ACAP2: variants seen among roughly 807,000 people sequenced by gnomAD.
The protein encoded by ACAP2 is arf-GAP with coiled-coil, ANK repeat and PH domain-containing protein 2.
ACAP2 carries 39 observed loss-of-function variants against 115.8 expected under a neutral mutation model. The ratio of observed to expected loss-of-function variants is 0.34; its 90% confidence interval spans 0.26 to 0.44. The LOEUF is 0.44. ACAP2 is among the 20% of genes least tolerant of loss of function. The probability of loss-of-function intolerance (pLI) is 1.00; values close to 1 mark genes in which losing one functional copy is unlikely to be tolerated. For synonymous variants in ACAP2, 289 were observed against 315.8 expected, an observed-to-expected ratio of 0.92 and a Z score of 0.90; for missense variants, 662 against 927.6, an observed-to-expected ratio of 0.71 and a Z score of 3.72.
At chr3:195,287,607 T>C (rs1726929608) in intron 21 of ACAP2, among the ~76,000 whole-genome samples, 1 of 152,156 alleles carries the variant, frequency 6.6e-6, no homozygotes, top group Non-Finnish European at 1.5e-5. Flanking sequence ...TGGGAGCACC[T>C]AGCTTTATGT....
rs1041957048 is a variant in ACAP2 at position 195,290,494 on chromosome 3, G to C, written c.2063+1212C>G. 2.0e-5 allele frequency among the ~76,000 whole-genome samples: 3 copies of C among 152,110 alleles called. No homozygotes were observed. In the South Asian group the frequency reaches 6.2e-4, roughly 31 times the overall value. On this transcript the variant is annotated intron_variant, in intron 20 of 22. Coordinates refer to ENST00000326793, the MANE Select transcript of ACAP2 (RefSeq NM_012287.6). Reference sequence around the variant, plus strand: ...ATCTGACTGAATCTCTTTGCTGATAGAAGAAAACAAGCCATGATAAAAATA... The same window carrying C: ...ATCTGACTGAATCTCTTTGCTGATACAAGAAAACAAGCCATGATAAAAATA...
In ACAP2 at chr3:195,292,281, A is replaced by G. The variant is rs1215210433; in HGVS notation, c.1937T>C (p.Ile646Thr). Residue 646 changes from isoleucine to threonine, a missense_variant, in exon 19 of 23, where the codon ATT becomes ACT. By Grantham distance (89) the Ile-to-Thr change is moderately conservative. Transcript: ENST00000326793. ...AACGCATACCCCTAATACAGCCTGA[A>G]TAAGTGGTGTCGCTTTGTTTTCCTC... ...NSEENKATPL[I>T]QAVLGGSLVT... The G allele has an allele frequency of 2.5e-6, 4 of 1,595,030 alleles. No individual in the cohort carries two copies. The highest frequency in any genetic ancestry group is 3.4e-6 in the Non-Finnish European group (4 of 1,175,280).
rs769748606 is a variant in ACAP2, at chr3:195,326,880, G to A, written c.744+5C>T. On this transcript the variant is annotated splice_donor_5th_base_variant and intron_variant, in intron 9 of 22. Transcript: ENST00000326793. ...AATTAATTTTTAATTTTTCCCCTGAGGTACCTTTTGTTGAATGGTGGAATG... is the reference window on the plus strand; with the variant it reads ...AATTAATTTTTAATTTTTCCCCTGAAGTACCTTTTGTTGAATGGTGGAATG... 1.2e-6 allele frequency: 2 copies of A among 1,613,584 alleles called. No homozygotes were observed. Among genetic ancestry groups the A allele is most frequent in the Non-Finnish European group, 1.7e-6 (2 of 1,179,722 alleles).
intron 9 of ACAP2, 144 bp from the exon 10 acceptor site, chr3:195,320,957 G>T (rs1237698457): frequency 3.8e-6 from 2 of 520,326 alleles, no homozygotes; most frequent in Non-Finnish European, 6.9e-6. Flanking sequence ...AATGAAGGGG[G>T]ACTTAAATGA....
In ACAP2 at chr3:195,326,978, G is replaced by C; in HGVS notation, c.670-19C>G. 1 of 1,604,334 alleles carries C rather than the reference G, an allele frequency of 6.2e-7. No homozygotes were observed. Among genetic ancestry groups the C allele is most frequent in the Non-Finnish European group, 8.5e-7 (1 of 1,172,754 alleles). On this transcript the variant is annotated intron_variant, in intron 8 of 22. Transcript: ENST00000326793. The stretch of plus-strand genomic sequence containing the variant: ...GATCCAACTGTAAAAAGGGAAAAGA[G>C]AAAACTGCAGACTTAAAAAAAGTAT...
chr3:195,342,437 T>C lies in ACAP2; in HGVS notation c.528+34A>G, dbSNP rs764710754. ...AGTAACAACCTGTTTAAGTAAGCAC[T>C]GTCTGAAAACATACACAGTAAGAAA... On this transcript the variant is annotated intron_variant, in intron 6 of 22. Transcript: ENST00000326793. 8 of 1,550,242 alleles carry C rather than the reference T, an allele frequency of 5.2e-6. No individual in the cohort carries two copies. The East Asian group carries it at 1.8e-4, about 36-fold the overall frequency.
At chr3:195,333,219 T>C (rs1730292055) in intron 7 of ACAP2, 96 bp from the exon 8 acceptor site, 1 of 569,718 alleles carries the variant, frequency 1.8e-6, no homozygotes, top group Admixed American at 4.2e-5. Flanking sequence ...AAAGACAGGG[T>C]CTTGCTCTGT....
intron 11 of ACAP2, 141 bp downstream of exon 11, chr3:195,308,645 T>C (rs1728565765): frequency 1.4e-6 from 1 of 714,578 alleles, no homozygotes; most frequent in Admixed American, 3.4e-5. Flanking sequence ...CCTAGAGTCC[T>C]CTTATACCTG....
At chr3:195,427,308 G>GT (rs1332113833) in intron 1 of ACAP2, among the ~76,000 whole-genome samples, 2 of 152,164 alleles carry the variant, frequency 1.3e-5, no homozygotes, top group Non-Finnish European at 2.9e-5. Flanking sequence ...TATCAAAACT[G>GT]TGATCTCCAG....
At chr3:195,432,709 A>G (rs1715229023) in intron 1 of ACAP2, among the ~76,000 whole-genome samples, 1 of 152,158 alleles carries the variant, frequency 6.6e-6, no homozygotes, top group Non-Finnish European at 1.5e-5. Context: ...CAGCTTGACA[A>G]TTTCTTCAAA....
chr3:195,291,640 C>A, intron 20 of ACAP2, 66 bp downstream of exon 20: 2 of 1,393,466 alleles, frequency 1.4e-6, no homozygotes, highest in South Asian at 2.7e-5. Context: ...CTAAGAAAAA[C>A]TAAAACATTA....
intron 4 of ACAP2, among the ~76,000 whole-genome samples, chr3:195,360,110 G>A (rs71317957): frequency 2.0e-4 from 31 of 152,144 alleles, no homozygotes; most frequent in Non-Finnish European, 3.2e-4. Flanking sequence ...GAAACAAGAC[G>A]CAATAATCTG....
chr3:195,385,796 G>C (rs910570877), intron 2 of ACAP2, among the ~76,000 whole-genome samples: 1 of 152,206 alleles, frequency 6.6e-6, no homozygotes, highest in Non-Finnish European at 1.5e-5. Context: ...AACTTCCCCT[G>C]TAGGGTTTTA....
chr3:195,319,756 C>G (rs1054602010), intron 10 of ACAP2, among the ~76,000 whole-genome samples: 3 of 152,124 alleles, frequency 2.0e-5, no homozygotes, highest in African/African-American at 7.2e-5. Context: ...CTTGCCTTGT[C>G]TCAGATGAGA....
Position 195,411,721 on chromosome 3 carries a change from A to G in ACAP2, c.54-19574T>C, listed in dbSNP as rs75664295. The stretch of plus-strand genomic sequence containing the variant: ...CCACGGAGAGACTTACAGATAATTA[A>G]CAAAATAAAATAAATATGCAGCATT... On this transcript the variant is annotated intron_variant, in intron 1 of 22. Coordinates refer to ENST00000326793, the MANE Select transcript of ACAP2 (RefSeq NM_012287.6). 3.3e-5 allele frequency among the ~76,000 whole-genome samples: 5 copies of G among 152,278 alleles called. No individual in the cohort carries two copies. In the East Asian group the frequency reaches 7.7e-4, roughly 24 times the overall value.
intron 8 of ACAP2, 67 bp downstream of exon 8, chr3:195,332,961 C>A: frequency 8.1e-7 from 1 of 1,236,370 alleles, no homozygotes; most frequent in Non-Finnish European, 1.2e-6. Context: ...CTCCAATATG[C>A]TAAATTTCTT....
At chr3:195,433,687 C>T (rs1715312715) in intron 1 of ACAP2, among the ~76,000 whole-genome samples, 2 of 152,262 alleles carry the variant, frequency 1.3e-5, no homozygotes, top group South Asian at 4.1e-4. Context: ...GCTTTTTCTG[C>T]ATCTATTGAG....
chr3:195,344,220 T>C (rs562275027), intron 5 of ACAP2, among the ~76,000 whole-genome samples: 1 of 152,090 alleles, frequency 6.6e-6, no homozygotes, highest in South Asian at 2.1e-4. Context: ...CCTGTCTCTA[T>C]ATTTAAAAAA....
chr3:195,439,037 G>A lies in ACAP2; in HGVS notation c.53+3758C>T, dbSNP rs868365220. Among the ~76,000 whole-genome samples, 56 of 151,228 alleles carry A rather than the reference G, an allele frequency of 3.7e-4. No homozygotes were observed. The Middle Eastern group carries it at 0.017, about 46-fold the overall frequency. ...CATCGTGCCATTGCACTCCAGCTTG[G>A]GCAACAAGAGCAGAACTCTATCTCA... is the stretch of plus-strand genomic sequence containing the variant. On this transcript the variant is annotated intron_variant, in intron 1 of 22. Coordinates refer to ENST00000326793, the MANE Select transcript of ACAP2 (RefSeq NM_012287.6).
Sources: allele counts gnomAD v4.1 joint callset (sites outside exome capture counted in the v4.1 genomes callset), GRCh38; gene constraint gnomAD v4.1.1; transcripts MANE v1.5; gene names NCBI Gene and HGNC (gene_info 2026-07-23, HGNC 2026-07-21).